AFF3: variants seen among roughly 807,000 people sequenced by gnomAD.
AFF3 encodes the protein ALF transcription elongation factor 3.
Under a neutral mutation model 129.7 loss-of-function variants are expected in AFF3, and 32 were observed. The ratio of observed to expected loss-of-function variants is 0.25; its 90% CI spans 0.19 to 0.33. The LOEUF is 0.33. Among genes scored for constraint, AFF3 ranks in the 10% least tolerant of loss-of-function variants. The probability of loss-of-function intolerance (pLI) is 1.00; values close to 1 mark genes in which losing one functional copy is unlikely to be tolerated. For synonymous variants in AFF3, 644 were observed against 635.4 expected (o/e 1.01, Z -0.20); for missense variants, 1,373 against 1,592.0 (o/e 0.86, Z 2.34).
At chr2:99,989,663 A>G (rs1680165191) in intron 7 of AFF3, among the ~76,000 whole-genome samples, 1 of 152,220 alleles carries the variant, frequency 6.6e-6, no homozygotes, top group African/African-American at 2.4e-5. Flanking sequence ...TTTTAAAAAA[A>G]GAAAGCGTGA....
intron 7 of AFF3, among the ~76,000 whole-genome samples, chr2:99,873,403 A>G (rs757454154): frequency 1.8e-4 from 27 of 151,814 alleles, no homozygotes; most frequent in Non-Finnish European, 3.8e-4. Flanking sequence ...GACAAACAAC[A>G]TTTTTGTATT....
At position 99,583,255 on chromosome 2, in the gene AFF3, A is replaced by G. The variant is rs531043262; in HGVS notation, c.2592-256T>C. Among the ~76,000 whole-genome samples the G allele has an allele frequency of 1.3e-4, 20 of 152,364 alleles. No individual in the cohort carries two copies. The South Asian group carries it at 3.3e-3, about 25-fold the overall frequency. ...GCACCAAAGTACACGACTAAGACTA[A>G]TAACACCTTCATTTTCCAAGTCCTT... On this transcript the variant is annotated intron_variant, in intron 16 of 24. Coordinates refer to ENST00000672756, the MANE Select transcript of AFF3 (RefSeq NM_001386135.1).
intron 11 of AFF3, among the ~76,000 whole-genome samples, chr2:99,675,020 C>T (rs1450089838): frequency 6.6e-6 from 1 of 152,192 alleles, no homozygotes; most frequent in African/African-American, 2.4e-5. Flanking sequence ...TGAGGTGCAC[C>T]TCTGGGGCTG....
In AFF3 at chr2:99,573,727, T is replaced by G. The variant is rs1292830633; in HGVS notation, c.2918+4600A>C. Among the ~76,000 whole-genome samples the G allele has an allele frequency of 3.3e-5, 5 of 152,358 alleles. 1 individual carries two copies. The South Asian group carries it at 6.2e-4, about 19-fold the overall frequency. On this transcript the variant is annotated intron_variant, in intron 18 of 24. Coordinates refer to ENST00000672756, the MANE Select transcript of AFF3 (RefSeq NM_001386135.1). Reference sequence around the variant, plus strand: ...CAGCGCCTGGCGTCTATAGTCAGTCTTTCCTCACTGTCGGGAGGTTCAGGT... The same window carrying G: ...CAGCGCCTGGCGTCTATAGTCAGTCGTTCCTCACTGTCGGGAGGTTCAGGT...
chr2:99,723,163 C>A (rs1315255128), intron 11 of AFF3, among the ~76,000 whole-genome samples: 1 of 152,132 alleles, frequency 6.6e-6, no homozygotes, highest in Non-Finnish European at 1.5e-5. Context: ...TTTGTGTGTG[C>A]ACGCATGTTA....
At chr2:99,639,309 G>A (rs983817241) in intron 13 of AFF3, among the ~76,000 whole-genome samples, 5 of 152,118 alleles carry the variant, frequency 3.3e-5, no homozygotes, top group East Asian at 1.9e-4. Flanking sequence ...TTTTAGACCC[G>A]ACAGCCTGCG....
intron 12 of AFF3, 113 bp downstream of exon 12, chr2:99,672,425 A>C: frequency 1.1e-6 from 1 of 951,318 alleles, no homozygotes; most frequent in Non-Finnish European, 1.6e-6. Context: ...AGCAGACAAA[A>C]GACCAGCAGC....
chr2:99,654,706 C>T (rs1163683981), intron 12 of AFF3, among the ~76,000 whole-genome samples: 2 of 152,192 alleles, frequency 1.3e-5, no homozygotes, highest in African/African-American at 2.4e-5. Flanking sequence ...TTCCTGAGTT[C>T]ATTATTCATT....
intron 14 of AFF3, among the ~76,000 whole-genome samples, chr2:99,599,857 G>C (rs1679650548): frequency 6.6e-6 from 1 of 152,008 alleles, no homozygotes; most frequent in Non-Finnish European, 1.5e-5. Flanking sequence ...TTTAACTCCT[G>C]TATTTTTTTC....
At chr2:99,594,976 G>A (rs942487534) in intron 14 of AFF3, among the ~76,000 whole-genome samples, 1 of 152,222 alleles carries the variant, frequency 6.6e-6, no homozygotes, top group African/African-American at 2.4e-5. Context: ...ACACTTTCCT[G>A]CAAGCAGGTT....
intron 12 of AFF3, among the ~76,000 whole-genome samples, chr2:99,655,972 G>C (rs1172103874): frequency 6.6e-6 from 1 of 152,188 alleles, no homozygotes; most frequent in Non-Finnish European, 1.5e-5. Context: ...AGAGGCATCA[G>C]GTGTGAGGTC....
intron 8 of AFF3, among the ~76,000 whole-genome samples, chr2:99,764,883 G>T (rs1398176415): frequency 4.0e-5 from 6 of 151,878 alleles, no homozygotes; most frequent in Admixed American, 3.9e-4. Flanking sequence ...GCAATAATTG[G>T]CCTGATTTTA....
At chr2:99,670,443 G>A (rs939386529) in intron 12 of AFF3, among the ~76,000 whole-genome samples, 1 of 152,002 alleles carries the variant, frequency 6.6e-6, no homozygotes, top group Non-Finnish European at 1.5e-5. Context: ...AAAATATTTT[G>A]GGTTTACGGT....
At chr2:99,930,996 T>G (rs536870917) in intron 7 of AFF3, among the ~76,000 whole-genome samples, 1 of 152,358 alleles carries the variant, frequency 6.6e-6, no homozygotes, top group Admixed American at 6.5e-5. Flanking sequence ...AACCACCAGC[T>G]TAAGGTTCAG....
chr2:99,951,016 C>G (rs1238775694), intron 7 of AFF3, among the ~76,000 whole-genome samples: 1 of 152,178 alleles, frequency 6.6e-6, no homozygotes, highest in South Asian at 2.1e-4. Context: ...AAATAGAGGT[C>G]ATAGTTCTAT....
At chr2:99,626,892 G>A (rs1369441229) in intron 13 of AFF3, among the ~76,000 whole-genome samples, 1 of 152,124 alleles carries the variant, frequency 6.6e-6, no homozygotes, top group Non-Finnish European at 1.5e-5. Context: ...CCATGTTCCT[G>A]CAAGGAACAT....
chr2:99,918,292 T>C (rs1022398356), intron 7 of AFF3, among the ~76,000 whole-genome samples: 1 of 152,204 alleles, frequency 6.6e-6, no homozygotes, highest in African/African-American at 2.4e-5. Flanking sequence ...GAAAGGGTAA[T>C]CAATCCAAGT....
chr2:99,906,910 G>C (rs1444133287), intron 7 of AFF3, among the ~76,000 whole-genome samples: 1 of 151,542 alleles, frequency 6.6e-6, no homozygotes, highest in Non-Finnish European at 1.5e-5. Context: ...TACTGTTTCT[G>C]TTTCTCTGTT....
chr2:100,047,369 A>G (rs1247912810), intron 4 of AFF3, among the ~76,000 whole-genome samples: 1 of 152,250 alleles, frequency 6.6e-6, no homozygotes, highest in Non-Finnish European at 1.5e-5. Context: ...TGGTGACAGA[A>G]GGTGAATGCA....
Sources: allele counts gnomAD v4.1 joint callset (sites outside exome capture counted in the v4.1 genomes callset), GRCh38; gene constraint gnomAD v4.1.1; transcripts MANE v1.5; gene names NCBI Gene and HGNC (gene_info 2026-07-23, HGNC 2026-07-21).